MTMR2: variants seen among roughly 807,000 people sequenced by gnomAD.
MTMR2 encodes the protein phosphatidylinositol-3,5-bisphosphate 3-phosphatase MTMR2.
Under a neutral mutation model 86.9 loss-of-function variants are expected in MTMR2, and 55 were observed. That is an observed-to-expected ratio of 0.63 (90% CI 0.51 to 0.79). The LOEUF is 0.79. MTMR2 is among the 30% of genes least tolerant of loss of function. The probability of loss-of-function intolerance (pLI) is 0.00; values close to 1 mark genes in which losing one functional copy is unlikely to be tolerated. For synonymous variants in MTMR2, 241 were observed against 266.8 expected (o/e 0.90, Z 0.94); for missense variants, 659 against 772.3 (o/e 0.85, Z 1.74).
At chr11:95,854,329 T>C (rs933952166) in intron 7 of MTMR2, among the ~76,000 whole-genome samples, 1 of 152,216 alleles carries the variant, frequency 6.6e-6, no homozygotes. Flanking sequence ...GAAAGGACCA[T>C]GGCTTTCTTA....
At chr11:95,920,369 G>A (rs1331510106) in intron 1 of MTMR2, among the ~76,000 whole-genome samples, 4 of 152,094 alleles carry the variant, frequency 2.6e-5, no homozygotes, top group African/African-American at 9.7e-5. Context: ...GTGCAGTGGT[G>A]CGTTCTTGGC....
chr11:95,881,568 T>A (rs1865322181), intron 2 of MTMR2, among the ~76,000 whole-genome samples: 1 of 152,180 alleles, frequency 6.6e-6, no homozygotes, highest in Non-Finnish European at 1.5e-5. Context: ...CGTTTTAACT[T>A]ATTCCTAAGT....
intron 1 of MTMR2, chr11:95,914,411 G>A: frequency 8.2e-6 from 8 of 979,150 alleles, no homozygotes; most frequent in Non-Finnish European, 9.7e-6. Flanking sequence ...AGGGAGTGGT[G>A]GGGAGGAGGC....
intron 2 of MTMR2, among the ~76,000 whole-genome samples, chr11:95,884,793 C>T (rs1305231136): frequency 6.6e-6 from 1 of 152,100 alleles, no homozygotes; most frequent in Admixed American, 6.6e-5. Flanking sequence ...TCATCTCCCT[C>T]CAGCAACTGA....
chr11:95,891,613 A>T (rs1164205012), intron 1 of MTMR2, among the ~76,000 whole-genome samples: 1 of 152,224 alleles, frequency 6.6e-6, no homozygotes, highest in Non-Finnish European at 1.5e-5. Flanking sequence ...TGTGGTAAAC[A>T]GCCTTTAATT....
At chr11:95,918,934 C>T (rs1017211690) in intron 1 of MTMR2, among the ~76,000 whole-genome samples, 2 of 152,190 alleles carry the variant, frequency 1.3e-5, no homozygotes, top group African/African-American at 4.8e-5. Flanking sequence ...CGTTCCCAGG[C>T]TCAGGTGATC....
intron 3 of MTMR2, among the ~76,000 whole-genome samples, chr11:95,863,063 A>G (rs1366087418): frequency 1.3e-5 from 2 of 152,238 alleles, no homozygotes; most frequent in South Asian, 2.1e-4. Context: ...ATTATGCAGG[A>G]TAACTTAGGA....
At chr11:95,914,159 T>C (rs749167780) in intron 1 of MTMR2, 17 of 975,010 alleles carry the variant, frequency 1.7e-5, no homozygotes, top group Non-Finnish European at 2.1e-5. Context: ...CAAATTTCAT[T>C]TGGGATAATA....
intron 3 of MTMR2, among the ~76,000 whole-genome samples, chr11:95,863,910 T>C (rs1467470436): frequency 1.3e-5 from 2 of 152,090 alleles, no homozygotes; most frequent in Admixed American, 6.6e-5. Flanking sequence ...GAAAAGAAGA[T>C]AAATACAAGA....
chr11:95,852,622 T>C (rs1864062732), intron 7 of MTMR2, among the ~76,000 whole-genome samples: 1 of 152,242 alleles, frequency 6.6e-6, no homozygotes, highest in Non-Finnish European at 1.5e-5. Context: ...TGACTTCAGA[T>C]ATTCTGGACA....
rs752376314 is a variant in MTMR2 at position 95,884,715 on chromosome 11, C to A, written c.186+3441G>T. On this transcript the variant is annotated intron_variant, in intron 2 of 14. Coordinates refer to ENST00000346299, the MANE Select transcript of MTMR2 (RefSeq NM_016156.6). ...CCACAACCTTCCCCACAAAAGAAATCCACATATACCTTTGAAATCAGGCCA... is the reference window on the plus strand; with the variant it reads ...CCACAACCTTCCCCACAAAAGAAATACACATATACCTTTGAAATCAGGCCA... 2.0e-4 allele frequency among the ~76,000 whole-genome samples: 31 copies of A among 152,072 alleles called. 1 individual carries two copies. The highest frequency in any genetic ancestry group is 3.3e-4 in the Admixed American group (5 of 15,264).
chr11:95,917,177 G>A (rs1056686987), intron 1 of MTMR2, among the ~76,000 whole-genome samples: 1 of 152,014 alleles, frequency 6.6e-6, no homozygotes, highest in Admixed American at 6.5e-5. Context: ...ATTATCTACC[G>A]ATTTAACTAA....
chr11:95,920,543 A>G (rs187401619), intron 1 of MTMR2, among the ~76,000 whole-genome samples: 1 of 150,290 alleles, frequency 6.7e-6, no homozygotes, highest in Non-Finnish European at 1.5e-5. Context: ...GGAAACTACT[A>G]CCTGGATATC....
rs1867035083 is a variant in MTMR2, at chr11:95,923,921, A to T, written c.34T>A (p.Ser12Thr). Residue 12 changes from serine (S) to threonine (T), a missense_variant, in exon 1 of 15, where the codon TCC (serine) becomes ACC (threonine). By Grantham distance (58) the Ser-to-Thr change is moderately conservative. Coordinates refer to ENST00000346299, the MANE Select transcript of MTMR2 (RefSeq NM_016156.6). Reference protein sequence around the residue: ...EKSSSCESLGSQPAAARPPSV... With the variant: ...EKSSSCESLGTQPAAARPPSV... ...GGCGGCCGAGCCGCCGCCGGCTGGGAGCCAAGACTCTCGCAGCTCGAGCTC... is the reference window on the plus strand; with the variant it reads ...GGCGGCCGAGCCGCCGCCGGCTGGGTGCCAAGACTCTCGCAGCTCGAGCTC... 6.4e-7 allele frequency: 1 copy of T among 1,561,294 alleles called. No homozygotes were observed. Among genetic ancestry groups the T allele is most frequent in the Admixed American group, 1.9e-5 (1 of 52,644 alleles).
Position 95,924,012 on chromosome 11 carries a change from G to C in MTMR2, c.-58C>G. ...AGCAGTCTTCGCGGCTACAGGGCGG[G>C]AGAAGCGGAGGGCGGAGTGCTACGG... On this transcript the variant is annotated 5_prime_UTR_variant, in exon 1 of 15. Transcript: ENST00000346299. 1 of 1,545,386 alleles carries C rather than the reference G, an allele frequency of 6.5e-7. No individual in the cohort carries two copies. The highest frequency in any genetic ancestry group is 8.8e-7 in the Non-Finnish European group (1 of 1,142,778).
chr11:95,921,095 T>C (rs1423838579), intron 1 of MTMR2, among the ~76,000 whole-genome samples: 1 of 152,226 alleles, frequency 6.6e-6, no homozygotes, highest in Non-Finnish European at 1.5e-5. Flanking sequence ...GATATAAATT[T>C]GACTAAAGTT....
chr11:95,879,076 T>A (rs1303285750), intron 2 of MTMR2, among the ~76,000 whole-genome samples: 2 of 151,994 alleles, frequency 1.3e-5, no homozygotes, highest in Non-Finnish European at 2.9e-5. Flanking sequence ...AGATGTCTGA[T>A]TACACTAAGA....
intron 13 of MTMR2, 148 bp from the exon 14 acceptor site, chr11:95,836,472 A>C (rs1218455533): frequency 5.5e-6 from 4 of 733,862 alleles, no homozygotes; most frequent in Admixed American, 2.0e-5. Context: ...ACTTATATTA[A>C]GATCAGAGGG....
chr11:95,853,348 C>T (rs1864095044), intron 7 of MTMR2, among the ~76,000 whole-genome samples: 1 of 152,070 alleles, frequency 6.6e-6, no homozygotes, highest in African/African-American at 2.4e-5. Flanking sequence ...CACCACTTCC[C>T]TAATTCAGGC....
Sources: allele counts gnomAD v4.1 joint callset (sites outside exome capture counted in the v4.1 genomes callset), GRCh38; gene constraint gnomAD v4.1.1; transcripts MANE v1.5; gene names NCBI Gene and HGNC (gene_info 2026-07-23, HGNC 2026-07-21).